The following DEPTOR variants were observed in gnomAD, a reference collection of about 807,000 sequenced individuals.
DEPTOR encodes DEP domain containing MTOR interacting protein.
DEPTOR carries 41 observed loss-of-function variants against 41.6 expected under a neutral mutation model. The ratio of observed to expected loss-of-function variants is 0.98; its 90% CI spans 0.77 to 1.28. The LOEUF (loss-of-function observed/expected upper bound fraction) is 1.28, where lower values mean the gene tolerates loss of function less well. DEPTOR is among the 50% of genes most tolerant of loss of function. DEPTOR has a pLI of 0.00. For missense variants in DEPTOR, 514 were observed against 527.9 expected, an observed-to-expected ratio of 0.97 and a Z score of 0.26; for synonymous variants, 195 against 192.3, an observed-to-expected ratio of 1.01 and a Z score of -0.12.
chr8:119,935,672 G>C (rs1321960189), intron 3 of DEPTOR, among the ~76,000 whole-genome samples: 1 of 150,158 alleles, frequency 6.7e-6, no homozygotes, highest in African/African-American at 2.5e-5. Context: ...AGTGAGCCAA[G>C]ATCGCACCAC....
In DEPTOR at chr8:120,002,791, A is replaced by AAAATATATATATAT; in HGVS notation, c.791-185_791-184insAATATATATATATA. On this transcript the variant is annotated intron_variant, in intron 5 of 8. Transcript: ENST00000286234. ...GACTCCATCTCAAAAAAAAAAAAAA[A>AAAATATATATATAT]ATATATATATATATATATATAATAT... Among the ~76,000 whole-genome samples the AAAATATATATATAT allele has an allele frequency of 2.2e-3, 132 of 60,622 alleles. 1 individual carries two copies. Among genetic ancestry groups the AAAATATATATATAT allele is most frequent in the South Asian group, 3.3e-3 (7 of 2,104 alleles). 39.8% of individuals were successfully genotyped at this position (60,622 alleles called of 152,430 possible).
At chr8:119,881,028 C>T (rs1160175196) in intron 1 of DEPTOR, among the ~76,000 whole-genome samples, 2 of 152,214 alleles carry the variant, frequency 1.3e-5, no homozygotes, top group Non-Finnish European at 2.9e-5. Context: ...AAGCAACTTA[C>T]TAGGCTATGA....
rs190122291 is a variant in DEPTOR at position 119,968,459 on chromosome 8, A to C, written c.604+3049A>C. On this transcript the variant is annotated intron_variant, in intron 4 of 8. Transcript: ENST00000286234. Reference sequence around the variant, plus strand: ...CTCCCGAGTAGCTGTGCACCACCACACTCAGCTGATTTTTGTATTTTTAGT... The same window carrying C: ...CTCCCGAGTAGCTGTGCACCACCACCCTCAGCTGATTTTTGTATTTTTAGT... Among the ~76,000 whole-genome samples, 1,028 of 151,362 alleles carry C rather than the reference A, an allele frequency of 6.8e-3. 12 individuals carry two copies. Among genetic ancestry groups the C allele is most frequent in the African/African-American group, 0.023 (959 of 41,234 alleles).
chr8:119,912,190 C>A (rs868195773), intron 1 of DEPTOR, among the ~76,000 whole-genome samples: 8 of 151,956 alleles, frequency 5.3e-5, no homozygotes, highest in South Asian at 2.1e-4. Flanking sequence ...AGGGAGTAGC[C>A]TAAATATAGG....
At chr8:120,028,451 TC>T (rs148267965) in intron 8 of DEPTOR, among the ~76,000 whole-genome samples, 3 of 145,718 alleles carry the variant, frequency 2.1e-5, no homozygotes, top group Non-Finnish European at 3.0e-5. Flanking sequence ...CAGCTCCAAA[TC>T]TTTTTTTTTT....
intron 3 of DEPTOR, among the ~76,000 whole-genome samples, chr8:119,941,880 A>G (rs1202403557): frequency 6.6e-6 from 1 of 152,316 alleles, no homozygotes; most frequent in African/African-American, 2.4e-5. Flanking sequence ...TTTTTCCTTC[A>G]GTCCCAGGCA....
intron 3 of DEPTOR, among the ~76,000 whole-genome samples, chr8:119,932,932 G>T (rs1828063930): frequency 6.6e-6 from 1 of 152,150 alleles, no homozygotes; most frequent in Non-Finnish European, 1.5e-5. Context: ...ATATTTAAGG[G>T]CAGTAATGAG....
intron 6 of DEPTOR, among the ~76,000 whole-genome samples, chr8:120,004,042 G>T (rs954453005): frequency 3.9e-5 from 6 of 152,150 alleles, no homozygotes; most frequent in African/African-American, 1.4e-4. Context: ...TTTTGTTCAT[G>T]TTGTTTCCTC....
chr8:120,029,460 A>T (rs1246655634), intron 8 of DEPTOR, among the ~76,000 whole-genome samples: 1 of 152,064 alleles, frequency 6.6e-6, no homozygotes, highest in African/African-American at 2.4e-5. Context: ...CAGTGGCATG[A>T]TCTCGGCTCA....
intron 3 of DEPTOR, among the ~76,000 whole-genome samples, chr8:119,955,830 G>A (rs775852971): frequency 5.9e-5 from 9 of 152,146 alleles, no homozygotes; most frequent in Non-Finnish European, 1.2e-4. Flanking sequence ...GTGTTAAATA[G>A]GTTAATTGTA....
chr8:120,014,028 G>A (rs1422847712), intron 8 of DEPTOR, among the ~76,000 whole-genome samples: 1 of 151,884 alleles, frequency 6.6e-6, no homozygotes, highest in African/African-American at 2.4e-5. Context: ...TAGTAGAAAC[G>A]GGGTTTCACC....
At chr8:120,008,341 A>G (rs912310152) in intron 7 of DEPTOR, among the ~76,000 whole-genome samples, 1 of 152,018 alleles carries the variant, frequency 6.6e-6, no homozygotes, top group East Asian at 1.9e-4. Context: ...CAGCCTGACC[A>G]TCATGGTGAA....
chr8:119,910,493 C>T (rs1420965109), intron 1 of DEPTOR, among the ~76,000 whole-genome samples: 1 of 152,000 alleles, frequency 6.6e-6, no homozygotes, highest in East Asian at 1.9e-4. Context: ...CGCTCTGTCC[C>T]CCAGGCTGGA....
intron 8 of DEPTOR, among the ~76,000 whole-genome samples, chr8:120,025,761 T>C (rs1586663174): frequency 6.6e-6 from 1 of 151,914 alleles, no homozygotes; most frequent in East Asian, 1.9e-4. Context: ...CTCTAGCTGG[T>C]CCCCTTTCGT....
chr8:119,940,391 C>G (rs1034248491), intron 3 of DEPTOR, among the ~76,000 whole-genome samples: 1 of 152,158 alleles, frequency 6.6e-6, no homozygotes, highest in African/African-American at 2.4e-5. Flanking sequence ...CAAGTGTTCA[C>G]TGATGAATGA....
intron 4 of DEPTOR, among the ~76,000 whole-genome samples, chr8:119,997,720 T>C (rs1812291500): frequency 6.6e-6 from 1 of 152,210 alleles, no homozygotes; most frequent in Non-Finnish European, 1.5e-5. Flanking sequence ...TGAGACTTGA[T>C]ATTTATGTGA....
chr8:119,969,742 G>A (rs1242093908), intron 4 of DEPTOR: 1 of 152,178 alleles, frequency 6.6e-6, no homozygotes, highest in Non-Finnish European at 1.5e-5. Context: ...TTCTGAGGGA[G>A]TTTCAGTTTC....
At chr8:119,884,132 A>C (rs755715550) in intron 1 of DEPTOR, among the ~76,000 whole-genome samples, 6 of 152,178 alleles carry the variant, frequency 3.9e-5, no homozygotes, top group Non-Finnish European at 8.8e-5. Context: ...ATCTTGGCTC[A>C]CCGCAACCTC....
intron 8 of DEPTOR, among the ~76,000 whole-genome samples, chr8:120,009,419 C>T (rs1384475054): frequency 6.6e-6 from 1 of 152,032 alleles, no homozygotes; most frequent in African/African-American, 2.4e-5. Flanking sequence ...TCAAGACTAG[C>T]CTGGCCACCG....
Sources: gnomAD v4.1 joint callset for allele counts (sites outside exome capture counted in the v4.1 genomes callset) on GRCh38, gnomAD v4.1.1 for gene constraint, MANE v1.5 for transcripts, NCBI Gene and HGNC (gene_info 2026-07-23, HGNC 2026-07-21) for gene names.